Variants in UBE2O observed in about 807,000 individuals in gnomAD.
The protein encoded by UBE2O is ubiquitin conjugating enzyme E2 O, also known as (E3-independent) E2 ubiquitin-conjugating enzyme.
In UBE2O, 15 loss-of-function variants were observed where a neutral mutation model predicts 125.8. That is an observed-to-expected ratio of 0.12 (90% CI 0.08 to 0.18). The LOEUF (loss-of-function observed/expected upper bound fraction) is 0.18, where lower values mean the gene tolerates loss of function less well. UBE2O is among the 10% of genes least tolerant of loss of function. The pLI is 1.00. For synonymous variants in UBE2O, 708 were observed against 703.2 expected (o/e 1.01, Z -0.11); for missense variants, 1,280 against 1,723.6 (o/e 0.74, Z 4.56).
chr17:76,441,016 A>T (rs957566554), intron 1 of UBE2O, among the ~76,000 whole-genome samples: 1 of 152,060 alleles, frequency 6.6e-6, no homozygotes, highest in African/African-American at 2.4e-5. Flanking sequence ...GGCAGCACAA[A>T]CTGGCCTAAG....
At position 76,398,492 on chromosome 17, in the gene UBE2O, G is replaced by A; in HGVS notation, c.1876C>T (p.Pro626Ser). The change falls in exon 11 of 18, where the codon CCG becomes TCG. Residue 626 changes from proline to serine, a missense_variant. Transcript: ENST00000319380. The surrounding 1 kb of genome is among the most constrained non-coding windows in gnomAD (Gnocchi z 5.4). ...CACACCTCCACGTCGTCCCCACTCG[G>A]CCTCAGCTTGAACCACTTCACCATG... ...TCMVKWFKLR[P>S]SGDDVELIGE... 2 of 1,614,096 alleles carry A rather than the reference G, an allele frequency of 1.2e-6. No individual in the cohort carries two copies.
chr17:76,416,487 T>C (rs1228689333), intron 1 of UBE2O, among the ~76,000 whole-genome samples: 1 of 152,108 alleles, frequency 6.6e-6, no homozygotes, highest in Admixed American at 6.5e-5. Context: ...CCCCTGTAGC[T>C]ATGCTCCCCA....
rs1442371218 is a variant in UBE2O, at chr17:76,440,485, G to A, written c.417+12240C>T. On this transcript the variant is annotated intron_variant, in intron 1 of 17. Transcript: ENST00000319380. ...TGGGACTACAGGCGTAAGCTGCCAC[G>A]CTAAGATGATTTCTGTACTTTTTGA... 3.9e-5 allele frequency among the ~76,000 whole-genome samples: 6 copies of A among 152,250 alleles called. No individual in the cohort carries two copies. The East Asian group carries it at 1.2e-3, about 29-fold the overall frequency.
chr17:76,400,230 G>C lies in UBE2O; in HGVS notation c.1072C>G (p.Pro358Ala). 1 of 1,614,076 alleles carries C rather than the reference G, an allele frequency of 6.2e-7. No homozygotes were observed. The highest frequency in any genetic ancestry group is 8.5e-7 in the Non-Finnish European group (1 of 1,180,004). ...QLGERCLYVFPAKVEPAKIAW... is the reference protein window; with the variant it reads ...QLGERCLYVFAAKVEPAKIAW... ...ATCTTGGCTGGCTCTACCTTGGCTG[G>C]GAAGACATACAGACAGCGCTCCCCA... Residue 358 changes from proline to alanine, a missense_variant, in exon 8 of 18, where the codon CCA (proline) becomes GCA (alanine). This residue lies in a region of UBE2O where 206 missense variants were observed against 315.7 expected (regional missense o/e 0.65). Coordinates refer to ENST00000319380, the MANE Select transcript of UBE2O (RefSeq NM_022066.4). This position sits in a 1 kb window ranked among gnomAD's most constrained non-coding sequence, Gnocchi z 4.3.
Position 76,396,275 on chromosome 17 carries a change from T to C in UBE2O, c.2662A>G (p.Lys888Glu), listed in dbSNP as rs778146894. The C allele has an allele frequency of 5.0e-6, 8 of 1,614,232 alleles. No homozygotes were observed. The Admixed American group carries it at 1.0e-4, about 20-fold the overall frequency. Residue 888 changes from lysine to glutamate, a missense_variant, in exon 14 of 18, where the codon AAG (lysine) becomes GAG (glutamate). By Grantham distance (56) the Lys-to-Glu change is moderately conservative. Transcript: ENST00000319380. The surrounding 1 kb of genome is among the most constrained non-coding windows in gnomAD (Gnocchi z 6.7). ...KMEAVPDVERKEDKPEGQSPV... is the reference protein window; with the variant it reads ...KMEAVPDVEREEDKPEGQSPV... The stretch of plus-strand genomic sequence containing the variant: ...GACTGCCCCTCGGGCTTGTCCTCCT[T>C]GCGCTCTACGTCGGGCACTGCTTCC...
chr17:76,451,124 C>T (rs1007272472), intron 1 of UBE2O, among the ~76,000 whole-genome samples: 2 of 152,198 alleles, frequency 1.3e-5, no homozygotes, highest in African/African-American at 4.8e-5. Context: ...GGCCACAACA[C>T]AGAGGATGCT....
At chr17:76,412,738 A>G (rs2072537244) in intron 1 of UBE2O, among the ~76,000 whole-genome samples, 1 of 152,220 alleles carries the variant, frequency 6.6e-6, no homozygotes, top group Non-Finnish European at 1.5e-5. Context: ...GGCCGGGCGC[A>G]GTGGCTCAAG....
intron 15 of UBE2O, among the ~76,000 whole-genome samples, chr17:76,393,658 G>A (rs1598579066): frequency 6.6e-6 from 1 of 152,334 alleles, no homozygotes; most frequent in East Asian, 1.9e-4. Context: ...GTGAGGCCTG[G>A]GGAAGGGGGG....
rs960976005 is a variant in UBE2O, at chr17:76,400,419, C to G, written c.1004+22G>C. The G allele has an allele frequency of 6.2e-7, 1 of 1,602,594 alleles. No homozygotes were observed. The highest frequency in any genetic ancestry group is 1.3e-5 in the African/African-American group (1 of 74,624). On this transcript the variant is annotated intron_variant, in intron 7 of 17. Coordinates refer to ENST00000319380, the MANE Select transcript of UBE2O (RefSeq NM_022066.4). The surrounding 1 kb of genome is among the most constrained non-coding windows in gnomAD (Gnocchi z 4.3). Reference sequence around the variant, plus strand: ...CTGTCCCACGCGTGCCCCTGGGTTGCTGGCAGTAAGGGCATGCTTACCTGC... The same window carrying G: ...CTGTCCCACGCGTGCCCCTGGGTTGGTGGCAGTAAGGGCATGCTTACCTGC...
intron 1 of UBE2O, among the ~76,000 whole-genome samples, chr17:76,433,724 A>AAG (rs371771176): frequency 2.0e-5 from 3 of 151,554 alleles, no homozygotes; most frequent in Non-Finnish European, 2.9e-5. Context: ...AAAAAAAAAA[A>AAG]AGAGAGAGAG....
chr17:76,412,330 A>G (rs545507073), intron 1 of UBE2O, among the ~76,000 whole-genome samples: 200 of 152,336 alleles, frequency 1.3e-3, no homozygotes, highest in Non-Finnish European at 2.3e-3. Flanking sequence ...GGAAACTTCT[A>G]AATTCCAACT....
chr17:76,437,191 C>T (rs1598618639), intron 1 of UBE2O, among the ~76,000 whole-genome samples: 1 of 151,100 alleles, frequency 6.6e-6, no homozygotes, highest in Non-Finnish European at 1.5e-5. Context: ...TGGCTCACTC[C>T]GGTAATCCCA....
intron 1 of UBE2O, among the ~76,000 whole-genome samples, chr17:76,443,542 G>A (rs964966601): frequency 6.6e-6 from 1 of 152,136 alleles, no homozygotes; most frequent in African/African-American, 2.4e-5. Context: ...ACCCACCTCG[G>A]CCTCCCAAAA....
Position 76,402,807 on chromosome 17 carries a change from A to C in UBE2O, c.589-108T>G, listed in dbSNP as rs1477620472. The C allele has an allele frequency of 1.1e-6, 1 of 946,028 alleles. No homozygotes were observed. Among genetic ancestry groups the C allele is most frequent in the Admixed American group, 1.8e-5 (1 of 54,516 alleles). 58.6% of individuals were successfully genotyped at this position (946,028 alleles called of 1,614,324 possible). ...AGACAGGATGGGGGAGGATCTAGACAGCTCACTGACTGGACCGGTTGGCTA... is the reference window on the plus strand; with the variant it reads ...AGACAGGATGGGGGAGGATCTAGACCGCTCACTGACTGGACCGGTTGGCTA... On this transcript the variant is annotated intron_variant, in intron 3 of 17. Transcript: ENST00000319380. This position sits in a 1 kb window ranked among gnomAD's most constrained non-coding sequence, Gnocchi z 5.4.
chr17:76,411,156 C>T (rs973726969), intron 1 of UBE2O, among the ~76,000 whole-genome samples: 1 of 152,098 alleles, frequency 6.6e-6, no homozygotes, highest in Admixed American at 6.5e-5. Context: ...GGACTACAGG[C>T]GTACGCCACC....
In UBE2O at chr17:76,401,046, T is replaced by C. The variant is rs1381031117; in HGVS notation, c.859A>G (p.Ser287Gly). The change falls in exon 6 of 18, where the codon AGC (serine) becomes GGC (glycine). Residue 287 changes from serine to glycine, a missense_variant. Physicochemically the swap from Ser to Gly is moderately conservative, Grantham distance 56. Coordinates refer to ENST00000319380, the MANE Select transcript of UBE2O (RefSeq NM_022066.4). ...ACCACTCGGAACTTGCTCTTGGTGC[T>C]GAGCACGGGCTTGACACCTGACAGC... ...QWLSGVKPVL[S>G]TKSKFRVVVE... The C allele has an allele frequency of 1.9e-6, 3 of 1,613,734 alleles. No homozygotes were observed. The highest frequency in any genetic ancestry group is 8.5e-7 in the Non-Finnish European group (1 of 1,180,012).
Position 76,396,008 on chromosome 17 carries a change from C to A in UBE2O, c.2809+120G>T. Reference sequence around the variant, plus strand: ...TGTGACCACACAGGGAAATGGTTTGCCCTGGGGCAGTAGCTGGGGTCTGGC... The same window carrying A: ...TGTGACCACACAGGGAAATGGTTTGACCTGGGGCAGTAGCTGGGGTCTGGC... On this transcript the variant is annotated intron_variant, in intron 14 of 17. Transcript: ENST00000319380. The surrounding 1 kb of genome is among the most constrained non-coding windows in gnomAD (Gnocchi z 6.7). The A allele has an allele frequency of 1.3e-6, 2 of 1,491,320 alleles. No homozygotes were observed. The highest frequency in any genetic ancestry group is 1.8e-6 in the Non-Finnish European group (2 of 1,094,212). The allele number at this position is 1,491,320 out of a possible 1,614,324, so 92.4% of individuals were successfully genotyped here.
intron 1 of UBE2O, among the ~76,000 whole-genome samples, chr17:76,420,719 C>T (rs1301202783): frequency 1.3e-5 from 2 of 152,170 alleles, no homozygotes; most frequent in African/African-American, 4.8e-5. Flanking sequence ...GAGGAAGAGA[C>T]ACAAGACGTC....
chr17:76,412,139 AC>A (rs1276755799), intron 1 of UBE2O, among the ~76,000 whole-genome samples: 4 of 152,132 alleles, frequency 2.6e-5, no homozygotes, highest in Non-Finnish European at 2.9e-5. Flanking sequence ...TGTGTAGACA[AC>A]AGGTCAGCTT....
Sources: allele counts gnomAD v4.1 joint callset (sites outside exome capture counted in the v4.1 genomes callset), GRCh38; gene constraint gnomAD v4.1.1; regional missense constraint gnomAD v4.1.1; non-coding constraint Gnocchi (gnomAD v3.1); transcripts MANE v1.5; gene names NCBI Gene and HGNC (gene_info 2026-07-23, HGNC 2026-07-21).